The following ARL5B variants were observed in gnomAD, a reference collection of about 807,000 sequenced individuals.
ARL5B encodes the protein ARF like GTPase 5B, also known as ADP-ribosylation factor-like protein 5B.
Under a neutral mutation model 26.9 loss-of-function variants are expected in ARL5B, and 10 were observed. The observed-to-expected ratio is 0.37, with a 90% confidence interval of 0.23 to 0.63. The LOEUF is 0.63. ARL5B is among the 30% of genes least tolerant of loss of function. The pLI is 0.62. For missense variants in ARL5B, 167 were observed against 213.9 expected, an observed-to-expected ratio of 0.78 and a Z score of 1.37; for synonymous variants, 87 against 70.4, an observed-to-expected ratio of 1.24 and a Z score of -1.18.
chr10:18,667,015 A>G (rs1385097533), intron 2 of ARL5B, among the ~76,000 whole-genome samples: 1 of 122,198 alleles, frequency 8.2e-6, no homozygotes, highest in Non-Finnish European at 1.8e-5. Flanking sequence ...GGAATTTTTT[A>G]ACATAGCCAG....
chr10:18,662,002 A>G (rs1254453654), intron 1 of ARL5B, among the ~76,000 whole-genome samples: 1 of 152,244 alleles, frequency 6.6e-6, no homozygotes, highest in East Asian at 1.9e-4. Flanking sequence ...CTCTAGAGCA[A>G]GGAATGGGAC....
In ARL5B at chr10:18,680,037, C is replaced by T. The variant is rs1242741000; in HGVS notation, c.*4821C>T. On this transcript the variant is annotated 3_prime_UTR_variant, in exon 6 of 6. Coordinates refer to ENST00000377275, the MANE Select transcript of ARL5B (RefSeq NM_178815.5). ...CTTAAACCAGTAATCTACATTTTCT[C>T]CTGGAAATGGAGAAATATGAAATGT... 1.3e-5 allele frequency: 2 copies of T among 151,830 alleles called. No homozygotes were observed. The highest frequency in any genetic ancestry group is 2.9e-5 in the Non-Finnish European group (2 of 67,870). 9.4% of individuals were successfully genotyped at this position (151,830 alleles called of 1,614,324 possible).
At chr10:18,674,263 A>G (rs1397194459) in intron 5 of ARL5B, 128 bp downstream of exon 5, 2 of 816,180 alleles carry the variant, frequency 2.5e-6, no homozygotes, top group Non-Finnish European at 3.5e-6. Flanking sequence ...GGTGACTTTT[A>G]TAATGTGTCT....
chr10:18,663,131 C>T (rs1045543474), intron 1 of ARL5B, among the ~76,000 whole-genome samples: 1 of 152,124 alleles, frequency 6.6e-6, no homozygotes, highest in African/African-American at 2.4e-5. Context: ...GCCCCACCCT[C>T]TGGAGTAGAT....
At chr10:18,660,431 G>T (rs1240785782) in intron 1 of ARL5B, among the ~76,000 whole-genome samples, 1 of 152,148 alleles carries the variant, frequency 6.6e-6, no homozygotes, top group Admixed American at 6.5e-5. Context: ...AGGGGCCGAC[G>T]ATAAGTTAAA....
intron 2 of ARL5B, among the ~76,000 whole-genome samples, chr10:18,668,191 T>C (rs954153995): frequency 1.3e-5 from 2 of 152,186 alleles, no homozygotes; most frequent in African/African-American, 4.8e-5. Context: ...CTTTTCAGGA[T>C]GGCATGGGAC....
In ARL5B at chr10:18,668,642, C is replaced by T; in HGVS notation, c.220C>T (p.Arg74Ter). 1.9e-6 allele frequency: 3 copies of T among 1,613,962 alleles called. No homozygotes were observed. Among genetic ancestry groups the T allele is most frequent in the East Asian group, 2.2e-5 (1 of 44,876 alleles). The change falls in exon 3 of 6, where the codon CGA becomes TGA. Residue 74 changes from arginine to a stop codon, truncating the protein, a stop_gained. Coordinates refer to ENST00000377275, the MANE Select transcript of ARL5B (RefSeq NM_178815.5). LOFTEE classifies it high-confidence loss of function. ...GGATATTGGTGGTCAGGAGTCTCTGCGATCATCCTGGAACACATATTACTC... is the reference window on the plus strand; with the variant it reads ...GGATATTGGTGGTCAGGAGTCTCTGTGATCATCCTGGAACACATATTACTC... ...MWDIGGQESL[R>*]SSWNTYYSNT...
chr10:18,668,784 T>C (rs981370822), intron 3 of ARL5B, 107 bp downstream of exon 3: 2 of 1,226,164 alleles, frequency 1.6e-6, no homozygotes, highest in Non-Finnish European at 2.2e-6. Flanking sequence ...TTTTTTTTTT[T>C]TTTTAAGACG....
rs2059915481 is a variant in ARL5B, at chr10:18,677,522, TTA to T, written c.*2307_*2308del. On this transcript the variant is annotated 3_prime_UTR_variant, in exon 6 of 6. Transcript: ENST00000377275. ...GATTAGGAAATTCATGTAAGACTTT[TTA>T]AGAGTATTTTTTAGGTTTTCACTCA... 6.6e-6 allele frequency: 1 copy of T among 152,218 alleles called. No homozygotes were observed. Among genetic ancestry groups the T allele is most frequent in the Non-Finnish European group, 1.5e-5 (1 of 67,768 alleles). 9.4% of individuals were successfully genotyped at this position (152,218 alleles called of 1,614,324 possible).
At chr10:18,660,112 G>A (rs2059823165) in intron 1 of ARL5B, among the ~76,000 whole-genome samples, 2 of 151,738 alleles carry the variant, frequency 1.3e-5, no homozygotes, top group African/African-American at 4.8e-5. Flanking sequence ...CCTGCAGTTT[G>A]AGCCGTAAGC....
rs534400909 is a variant in ARL5B at position 18,668,843 on chromosome 10, C to T, written c.255+166C>T. Among the ~76,000 whole-genome samples, 5 of 149,484 alleles carry T rather than the reference C, an allele frequency of 3.3e-5. No individual in the cohort carries two copies. The South Asian group carries it at 8.4e-4, about 25-fold the overall frequency. Reference sequence around the variant, plus strand: ...AGAGTGCAGTGGAGTGATCTTGGCTCGCTGCAAGCTCCGCCTGCTGAGTTC... The same window carrying T: ...AGAGTGCAGTGGAGTGATCTTGGCTTGCTGCAAGCTCCGCCTGCTGAGTTC... On this transcript the variant is annotated intron_variant, in intron 3 of 5. Transcript: ENST00000377275.
chr10:18,668,584 A>G lies in ARL5B; in HGVS notation c.162A>G (p.Glu54=). 1 of 1,614,138 alleles carries G rather than the reference A, an allele frequency of 6.2e-7. No individual in the cohort carries two copies. The highest frequency in any genetic ancestry group is 2.2e-5 in the East Asian group (1 of 44,880). Residue 54 remains glutamate (E), a synonymous_variant, in exon 3 of 6, where the codon GAA becomes GAG. Coordinates refer to ENST00000377275, the MANE Select transcript of ARL5B (RefSeq NM_178815.5). The part of the protein sequence containing the change: ...TSPTIGSNVE[E]IVVKNTHFLM... ...CAACCATAGGAAGCAATGTTGAAGA[A>G]ATAGTTGTGAAGAACACTCATTTTC... is the stretch of plus-strand genomic sequence containing the variant.
intron 1 of ARL5B, among the ~76,000 whole-genome samples, chr10:18,661,255 G>A (rs576128842): frequency 1.3e-5 from 2 of 152,288 alleles, no homozygotes; most frequent in South Asian, 4.1e-4. Flanking sequence ...CGAAGTAGTT[G>A]GTTTTCCCTT....
chr10:18,666,669 A>T, intron 2 of ARL5B, 34 bp downstream of exon 2: 1 of 1,530,972 alleles, frequency 6.5e-7, no homozygotes, highest in Non-Finnish European at 9.0e-7. Flanking sequence ...AGTTTTCACT[A>T]GTTATTGAAA....
rs558642085 is a variant in ARL5B at position 18,679,897 on chromosome 10, C to G, written c.*4681C>G. ...ACTTAAAATTACTAAAAAATACTGT[C>G]TTTTTACCATACAGCTAGATGGCCT... On this transcript the variant is annotated 3_prime_UTR_variant, in exon 6 of 6. Coordinates refer to ENST00000377275, the MANE Select transcript of ARL5B (RefSeq NM_178815.5). 18 of 151,844 alleles carry G rather than the reference C, an allele frequency of 1.2e-4. No homozygotes were observed. Among genetic ancestry groups the G allele is most frequent in the Non-Finnish European group, 2.7e-4 (18 of 67,832 alleles). 9.4% of individuals were successfully genotyped at this position (151,844 alleles called of 1,614,324 possible).
intron 1 of ARL5B, among the ~76,000 whole-genome samples, chr10:18,661,110 A>G (rs886792991): frequency 2.0e-5 from 3 of 152,216 alleles, no homozygotes; most frequent in African/African-American, 7.2e-5. Flanking sequence ...CGGCCTCCCA[A>G]AGTGCTGGAA....
At chr10:18,660,283 C>A (rs539505586) in intron 1 of ARL5B, among the ~76,000 whole-genome samples, 20 of 152,138 alleles carry the variant, frequency 1.3e-4, no homozygotes, top group African/African-American at 4.1e-4. Flanking sequence ...TAAGACGTTA[C>A]GTGTCCGTAA....
In ARL5B at chr10:18,678,026, T is replaced by C. The variant is rs1257193176; in HGVS notation, c.*2810T>C. 6.6e-6 allele frequency: 1 copy of C among 151,850 alleles called. No individual in the cohort carries two copies. Among genetic ancestry groups the C allele is most frequent in the Non-Finnish European group, 1.5e-5 (1 of 67,778 alleles). The allele number at this position is 151,850 out of a possible 1,614,324, so 9.4% of individuals were successfully genotyped here. On this transcript the variant is annotated 3_prime_UTR_variant, in exon 6 of 6. Coordinates refer to ENST00000377275, the MANE Select transcript of ARL5B (RefSeq NM_178815.5). The stretch of plus-strand genomic sequence containing the variant: ...AGCATTTTTCTTAATTTTGAGCGTG[T>C]CATGTCCTTCATCTTTAAACCCATC...
chr10:18,668,932 G>T (rs1282516325), intron 3 of ARL5B, among the ~76,000 whole-genome samples: 1 of 152,006 alleles, frequency 6.6e-6, no homozygotes, highest in Admixed American at 6.6e-5. Context: ...ACCACACCCG[G>T]CTAATTTTTG....
Sources: allele counts gnomAD v4.1 joint callset (sites outside exome capture counted in the v4.1 genomes callset), GRCh38; gene constraint gnomAD v4.1.1; transcripts MANE v1.5; gene names NCBI Gene and HGNC (gene_info 2026-07-23, HGNC 2026-07-21).